The following CACNA1C variants were observed in gnomAD, a reference collection of about 807,000 sequenced individuals.
CACNA1C encodes the protein calcium voltage-gated channel subunit alpha1 C.
CACNA1C carries 30 observed loss-of-function variants against 229.0 expected under a neutral mutation model. That is an observed-to-expected ratio of 0.13 (90% CI 0.10 to 0.18). The LOEUF is 0.18. CACNA1C is among the 10% of genes least tolerant of loss of function. The probability of loss-of-function intolerance (pLI) is 1.00; values close to 1 mark genes in which losing one functional copy is unlikely to be tolerated. For synonymous variants in CACNA1C, 1,114 were observed against 1,132.5 expected, an observed-to-expected ratio of 0.98 and a Z score of 0.33; for missense variants, 1,658 against 2,845.0, an observed-to-expected ratio of 0.58 and a Z score of 9.49.
At position 2,053,366 on chromosome 12, in the gene CACNA1C, GTTT is replaced by G. The variant is rs2052890241; in HGVS notation, c.-194_-192del. The G allele has an allele frequency of 7.3e-7, 1 of 1,368,752 alleles. No individual in the cohort carries two copies. Among genetic ancestry groups the G allele is most frequent in the Admixed American group, 3.0e-5 (1 of 33,668 alleles). The allele number at this position is 1,368,752 out of a possible 1,614,324, so 84.8% of individuals were successfully genotyped here. On this transcript the variant is annotated 5_prime_UTR_variant, in exon 1 of 47. Coordinates refer to ENST00000399655, the MANE Select transcript of CACNA1C (RefSeq NM_000719.7). This position sits in a 1 kb window ranked among gnomAD's most constrained non-coding sequence, Gnocchi z 5.8. ...GAGGAGGCAGTAGTGGAAAGGAGCA[GTTT>G]TTGGGGTTTGATGCCATAATGGGAA...
At chr12:1,987,755 GCTTTCATATT>G (rs1324681146) in intron 1 of CACNA1C, among the ~76,000 whole-genome samples, 1 of 152,112 alleles carries the variant, frequency 6.6e-6, no homozygotes, top group Non-Finnish European at 1.5e-5. Flanking sequence ...CCAATATAAT[GCTTTCATATT>G]CAGTGTCTTT....
chr12:2,293,357 G>A (rs1298515648), intron 3 of CACNA1C, among the ~76,000 whole-genome samples: 1 of 152,196 alleles, frequency 6.6e-6, no homozygotes, highest in Non-Finnish European at 1.5e-5. Context: ...GGGACAAGAT[G>A]CAGGGAGTGG....
chr12:2,178,737 C>G (rs570468162), intron 3 of CACNA1C, among the ~76,000 whole-genome samples: 13 of 152,232 alleles, frequency 8.5e-5, no homozygotes, highest in Admixed American at 6.5e-4. Context: ...TGATTTCTTC[C>G]CCCGTACAAA....
At position 2,693,560 on chromosome 12, in the gene CACNA1C, C is replaced by T. The variant is rs1282230895; in HGVS notation, c.*2361C>T. 6.6e-6 allele frequency: 1 copy of T among 152,244 alleles called. No homozygotes were observed. Among genetic ancestry groups the T allele is most frequent in the South Asian group, 2.1e-4 (1 of 4,822 alleles). The allele number at this position is 152,244 out of a possible 1,614,324, so 9.4% of individuals were successfully genotyped here. ...TGCTCCTTTCTCCATCCCTTCCTCA[C>T]TCTGGAGCAGCCTTTCCTTCAGGCT... On this transcript the variant is annotated 3_prime_UTR_variant, in exon 47 of 47. Transcript: ENST00000399655.
chr12:2,441,505 G>A (rs976343879), intron 3 of CACNA1C, among the ~76,000 whole-genome samples: 2 of 152,194 alleles, frequency 1.3e-5, no homozygotes, highest in African/African-American at 4.8e-5. Flanking sequence ...AACAAGGAGA[G>A]GAAGTGAAGA....
intron 9 of CACNA1C, among the ~76,000 whole-genome samples, chr12:2,541,314 T>G (rs1168453065): frequency 6.6e-6 from 1 of 152,144 alleles, no homozygotes; most frequent in Non-Finnish European, 1.5e-5. Flanking sequence ...AGGTAGGAAA[T>G]GAGGAATCCT....
chr12:2,434,033 T>C (rs1036559646), intron 3 of CACNA1C, among the ~76,000 whole-genome samples: 1 of 152,230 alleles, frequency 6.6e-6, no homozygotes, highest in African/African-American at 2.4e-5. Flanking sequence ...GGAAAAACGC[T>C]ATGCATACAT....
At position 2,608,810 on chromosome 12, in the gene CACNA1C, G is replaced by A. The variant is rs1408766159; in HGVS notation, c.3558+98G>A. 3 of 1,181,732 alleles carry A rather than the reference G, an allele frequency of 2.5e-6. No homozygotes were observed. The East Asian group carries it at 7.5e-5, about 30-fold the overall frequency. The allele number at this position is 1,181,732 out of a possible 1,614,324, so 73.2% of individuals were successfully genotyped here. On this transcript the variant is annotated intron_variant, in intron 27 of 46. Transcript: ENST00000399655. This position sits in a 1 kb window ranked among gnomAD's most constrained non-coding sequence, Gnocchi z 4.2. ...AGGGGCTGCGACAGGGAGAGGCCGTGCAGATACTGAGATCGTCTCTCTATT... is the reference window on the plus strand; with the variant it reads ...AGGGGCTGCGACAGGGAGAGGCCGTACAGATACTGAGATCGTCTCTCTATT...
chr12:2,478,964 C>G (rs146062709), intron 5 of CACNA1C, among the ~76,000 whole-genome samples: 7 of 152,342 alleles, frequency 4.6e-5, no homozygotes, highest in African/African-American at 1.7e-4. Flanking sequence ...ACGCCTGTCT[C>G]TCTCATTACA....
At chr12:2,672,314 A>G (rs1301041273) in intron 38 of CACNA1C, 2 of 152,266 alleles carry the variant, frequency 1.3e-5, no homozygotes, top group African/African-American at 4.8e-5. Flanking sequence ...GTGAACTTCA[A>G]CAATTACATA....
chr12:2,543,557 G>A (rs2099875978), intron 9 of CACNA1C, among the ~76,000 whole-genome samples: 2 of 152,216 alleles, frequency 1.3e-5, no homozygotes, highest in South Asian at 4.1e-4. Context: ...TTTGATTCCT[G>A]CAGGTGCTTA....
intron 3 of CACNA1C, among the ~76,000 whole-genome samples, chr12:2,337,235 C>A (rs2096725057): frequency 6.6e-6 from 1 of 152,184 alleles, no homozygotes; most frequent in Non-Finnish European, 1.5e-5. Context: ...CCTGAGAGGC[C>A]CTTCCCCTGT....
At chr12:2,283,604 A>G (rs2091993193) in intron 3 of CACNA1C, among the ~76,000 whole-genome samples, 1 of 152,242 alleles carries the variant, frequency 6.6e-6, no homozygotes. Flanking sequence ...CACAGCAGGT[A>G]CCCAATACGT....
At chr12:2,191,741 C>T (rs1311575903) in intron 3 of CACNA1C, among the ~76,000 whole-genome samples, 2 of 151,970 alleles carry the variant, frequency 1.3e-5, no homozygotes, top group Admixed American at 1.3e-4. Context: ...CACACAGGCA[C>T]ACACATGCAC....
chr12:2,575,248 G>A lies in CACNA1C; in HGVS notation c.1896-6342G>A, dbSNP rs914334618. Among the ~76,000 whole-genome samples, 2 of 152,192 alleles carry A rather than the reference G, an allele frequency of 1.3e-5. No individual in the cohort carries two copies. Among genetic ancestry groups the A allele is most frequent in the Non-Finnish European group, 2.9e-5 (2 of 68,032 alleles). On this transcript the variant is annotated intron_variant, in intron 13 of 46. Coordinates refer to ENST00000399655, the MANE Select transcript of CACNA1C (RefSeq NM_000719.7). The surrounding 1 kb of genome is among the most constrained non-coding windows in gnomAD (Gnocchi z 4.0). The stretch of plus-strand genomic sequence containing the variant: ...GTCTTCCCAGCCTGCTAGAATGGAC[G>A]GGAGCAGGGGCAGGTACCAGTAGAA...
intron 4 of CACNA1C, among the ~76,000 whole-genome samples, chr12:2,449,759 G>A (rs569730861): frequency 2.0e-5 from 3 of 152,278 alleles, no homozygotes; most frequent in South Asian, 2.1e-4. Context: ...AAGGACTTTC[G>A]TTTCATCTCA....
Position 2,348,618 on chromosome 12 carries a change from A to G in CACNA1C, c.478-100358A>G, listed in dbSNP as rs1402750383. On this transcript the variant is annotated intron_variant, in intron 3 of 46. Transcript: ENST00000399655. The surrounding 1 kb of genome is among the most constrained non-coding windows in gnomAD (Gnocchi z 4.7). Reference sequence around the variant, plus strand: ...CTGGTTATGTTTAGAAGCCGTCCAGAGAATGTTTGGCATGCTGAATATAAA... The same window carrying G: ...CTGGTTATGTTTAGAAGCCGTCCAGGGAATGTTTGGCATGCTGAATATAAA... Among the ~76,000 whole-genome samples, 2 of 152,088 alleles carry G rather than the reference A, an allele frequency of 1.3e-5. No homozygotes were observed. The highest frequency in any genetic ancestry group is 1.5e-5 in the Non-Finnish European group (1 of 68,018).
intron 1 of CACNA1C, among the ~76,000 whole-genome samples, chr12:1,987,741 C>T (rs568673693): frequency 1.3e-5 from 2 of 152,272 alleles, no homozygotes; most frequent in East Asian, 3.9e-4. Context: ...ACAACCCCAT[C>T]CTTCCAATAT....
rs957158341 is a variant in CACNA1C at position 2,403,601 on chromosome 12, C to T, written c.478-45375C>T. Among the ~76,000 whole-genome samples, 8 of 152,006 alleles carry T rather than the reference C, an allele frequency of 5.3e-5. No individual in the cohort carries two copies. The highest frequency in any genetic ancestry group is 1.7e-4 in the African/African-American group (7 of 41,346). ...CTTTTACCACTCCTGGCAGCTGCTG[C>T]GAGACAAGATAATTTATAGATGCAT... On this transcript the variant is annotated intron_variant, in intron 3 of 46. Coordinates refer to ENST00000399655, the MANE Select transcript of CACNA1C (RefSeq NM_000719.7). This position sits in a 1 kb window ranked among gnomAD's most constrained non-coding sequence, Gnocchi z 4.1.
Sources: gnomAD v4.1 joint callset for allele counts (sites outside exome capture counted in the v4.1 genomes callset) on GRCh38, gnomAD v4.1.1 for gene constraint, Gnocchi (gnomAD v3.1) non-coding constraint, MANE v1.5 for transcripts, NCBI Gene and HGNC (gene_info 2026-07-23, HGNC 2026-07-21) for gene names.